The following CAMKK1 variants were observed in gnomAD, a reference collection of about 807,000 sequenced individuals.
CAMKK1 encodes calcium/calmodulin-dependent protein kinase kinase 1.
In CAMKK1, 20 loss-of-function variants were observed where a neutral mutation model predicts 63.5. That is an observed-to-expected ratio of 0.32 (90% CI 0.22 to 0.46). The LOEUF (loss-of-function observed/expected upper bound fraction) is 0.46, where lower values mean the gene tolerates loss of function less well. CAMKK1 is among the 20% of genes least tolerant of loss of function. The pLI, the probability that CAMKK1 is intolerant of heterozygous loss-of-function variation, is 1.00. For synonymous variants in CAMKK1, 253 were observed against 269.0 expected, an observed-to-expected ratio of 0.94 and a Z score of 0.58; for missense variants, 588 against 658.1, an observed-to-expected ratio of 0.89 and a Z score of 1.17.
At chr17:3,891,482 G>A (rs558131789) in intron 1 of CAMKK1, among the ~76,000 whole-genome samples, 2 of 152,358 alleles carry the variant, frequency 1.3e-5, no homozygotes, top group South Asian at 4.1e-4. Context: ...GCAGTAGGCA[G>A]TGTAGTTATC....
In CAMKK1 at chr17:3,883,205, G is replaced by T; in HGVS notation, c.515-30C>A. On this transcript the variant is annotated intron_variant, in intron 5 of 15. Coordinates refer to ENST00000348335, the MANE Select transcript of CAMKK1 (RefSeq NM_032294.3). This position sits in a 1 kb window ranked among gnomAD's most constrained non-coding sequence, Gnocchi z 4.7. Reference sequence around the variant, plus strand: ...GACCAGGAAGAGAACTCAAACACCTGTTCCAGGTGGCTGGGCCTCACCGTG... The same window carrying T: ...GACCAGGAAGAGAACTCAAACACCTTTTCCAGGTGGCTGGGCCTCACCGTG... 6.2e-7 allele frequency: 1 copy of T among 1,606,042 alleles called. No homozygotes were observed. Among genetic ancestry groups the T allele is most frequent in the South Asian group, 1.1e-5 (1 of 91,012 alleles).
At position 3,860,844 on chromosome 17, in the gene CAMKK1, T is replaced by G. The variant is rs1024899954; in HGVS notation, c.*1367A>C. 1 of 152,286 alleles carries G rather than the reference T, an allele frequency of 6.6e-6. No homozygotes were observed. The highest frequency in any genetic ancestry group is 6.5e-5 in the Admixed American group (1 of 15,274). 9.4% of individuals were successfully genotyped at this position (152,286 alleles called of 1,614,324 possible). On this transcript the variant is annotated 3_prime_UTR_variant, in exon 16 of 16. Transcript: ENST00000348335. ...CGCGGAGATGCAGCGGGATCCGGGT[T>G]TCTCCCCCAGCCAGCCTCCCTTCTC...
chr17:3,873,367 C>T lies in CAMKK1; in HGVS notation c.1050+42G>A, dbSNP rs773041054. ...CTGCATCCGTCGCCCGTGCCCGCCTCACTGGACCCGCCCCAGCTCTGCTGG... is the reference window on the plus strand; with the variant it reads ...CTGCATCCGTCGCCCGTGCCCGCCTTACTGGACCCGCCCCAGCTCTGCTGG... On this transcript the variant is annotated intron_variant, in intron 11 of 15. Transcript: ENST00000348335. The T allele has an allele frequency of 4.4e-6, 7 of 1,603,210 alleles. No homozygotes were observed. The South Asian group carries it at 7.7e-5, about 18-fold the overall frequency.
chr17:3,873,353 G>A (rs369656392), intron 11 of CAMKK1, 56 bp downstream of exon 11: 76 of 1,512,512 alleles, frequency 5.0e-5, no homozygotes, highest in Admixed American at 1.9e-4. Flanking sequence ...TGCATCCGTC[G>A]CCCGTGCCCG....
intron 11 of CAMKK1, 142 bp from the exon 12 acceptor site, chr17:3,872,769 G>T: frequency 1.5e-6 from 1 of 661,274 alleles, no homozygotes; most frequent in Non-Finnish European, 2.8e-6. Context: ...AACTCACACT[G>T]TAAATGTTCA....
At chr17:3,891,226 T>C (rs2055891216) in intron 1 of CAMKK1, among the ~76,000 whole-genome samples, 1 of 151,802 alleles carries the variant, frequency 6.6e-6, no homozygotes, top group South Asian at 2.1e-4. Flanking sequence ...TGTGGGGAGA[T>C]ACAGCAGTGA....
At chr17:3,871,041 CAA>C (rs754693210) in intron 12 of CAMKK1, among the ~76,000 whole-genome samples, 2 of 152,108 alleles carry the variant, frequency 1.3e-5, no homozygotes, top group African/African-American at 2.4e-5. Flanking sequence ...AAACTTCAGG[CAA>C]GAGATGCAGG....
At chr17:3,880,543 C>G (rs2055364327) in intron 8 of CAMKK1, 109 bp from the exon 9 acceptor site, 1 of 730,710 alleles carries the variant, frequency 1.4e-6, no homozygotes, top group African/African-American at 1.8e-5. Flanking sequence ...CCCTACAACT[C>G]AAGATATTAG....
chr17:3,875,487 A>G (rs1252731957), intron 10 of CAMKK1, among the ~76,000 whole-genome samples: 1 of 151,492 alleles, frequency 6.6e-6, no homozygotes, highest in African/African-American at 2.4e-5. Context: ...GGGTCTTGCT[A>G]TGTTGCCCAG....
chr17:3,872,760 A>G (rs984428822), intron 11 of CAMKK1, 133 bp from the exon 12 acceptor site: 4 of 683,108 alleles, frequency 5.9e-6, no homozygotes, highest in African/African-American at 1.8e-5. Flanking sequence ...AAGGACCTCA[A>G]CTCACACTGT....
intron 11 of CAMKK1, among the ~76,000 whole-genome samples, chr17:3,872,979 G>C (rs541337870): frequency 3.2e-4 from 49 of 152,330 alleles, no homozygotes; most frequent in African/African-American, 1.1e-3. Flanking sequence ...CCCTTAGTGT[G>C]GTCACCAGAG....
chr17:3,892,657 G>A lies in CAMKK1; in HGVS notation c.-44+282C>T, dbSNP rs1314928448. 6.6e-6 allele frequency among the ~76,000 whole-genome samples: 1 copy of A among 152,184 alleles called. No homozygotes were observed. The highest frequency in any genetic ancestry group is 1.5e-5 in the Non-Finnish European group (1 of 68,018). Reference sequence around the variant, plus strand: ...GCGCGGGGGACAGTGCACCGGGGATGGATGCGGTCCGCAGACAGAAGCGGG... The same window carrying A: ...GCGCGGGGGACAGTGCACCGGGGATAGATGCGGTCCGCAGACAGAAGCGGG... On this transcript the variant is annotated intron_variant, in intron 1 of 15. Transcript: ENST00000348335. This position sits in a 1 kb window ranked among gnomAD's most constrained non-coding sequence, Gnocchi z 7.5.
intron 12 of CAMKK1, among the ~76,000 whole-genome samples, chr17:3,871,499 C>T (rs1241521984): frequency 2.3e-4 from 33 of 142,964 alleles, no homozygotes; most frequent in Admixed American, 1.1e-3. Context: ...GGACTACAGG[C>T]ACCCGCCACC....
intron 15 of CAMKK1, among the ~76,000 whole-genome samples, chr17:3,863,711 A>T (rs1411347560): frequency 1.3e-5 from 2 of 150,240 alleles, no homozygotes; most frequent in Non-Finnish European, 3.0e-5. Context: ...CTCCATCTCT[A>T]TTTTTTTTTT....
chr17:3,878,980 AT>A (rs1385165138), intron 9 of CAMKK1: 1 of 152,022 alleles, frequency 6.6e-6, no homozygotes, highest in Non-Finnish European at 1.5e-5. Flanking sequence ...CACAAGGCTA[AT>A]TTTTGTATTT....
At chr17:3,872,271 T>C (rs1457349300) in intron 12 of CAMKK1, among the ~76,000 whole-genome samples, 1 of 152,190 alleles carries the variant, frequency 6.6e-6, no homozygotes, top group Non-Finnish European at 1.5e-5. Context: ...CTGGCGCCAC[T>C]GACCCCAGGC....
At chr17:3,864,926 G>A (rs2054459906) in intron 15 of CAMKK1, among the ~76,000 whole-genome samples, 2 of 152,304 alleles carry the variant, frequency 1.3e-5, no homozygotes, top group South Asian at 4.1e-4. Context: ...CAGGCCTGGT[G>A]ACAGCGTGAA....
Position 3,882,961 on chromosome 17 carries a change from G to T in CAMKK1, c.648+81C>A. Reference sequence around the variant, plus strand: ...CCACCTGGGCAAGATCCCTGGGTCTGTGCTAGGGGCTCCCCAGCACCAGAA... The same window carrying T: ...CCACCTGGGCAAGATCCCTGGGTCTTTGCTAGGGGCTCCCCAGCACCAGAA... On this transcript the variant is annotated intron_variant, in intron 6 of 15. Coordinates refer to ENST00000348335, the MANE Select transcript of CAMKK1 (RefSeq NM_032294.3). This position sits in a 1 kb window ranked among gnomAD's most constrained non-coding sequence, Gnocchi z 4.3. The T allele has an allele frequency of 6.4e-7, 1 of 1,564,552 alleles. No homozygotes were observed.
chr17:3,883,208 C>G lies in CAMKK1; in HGVS notation c.515-33G>C. ...CAGGAAGAGAACTCAAACACCTGTT[C>G]CAGGTGGCTGGGCCTCACCGTGGCC... On this transcript the variant is annotated intron_variant, in intron 5 of 15. Transcript: ENST00000348335. The surrounding 1 kb of genome is among the most constrained non-coding windows in gnomAD (Gnocchi z 4.7). 1 of 1,605,794 alleles carries G rather than the reference C, an allele frequency of 6.2e-7. No individual in the cohort carries two copies. Among genetic ancestry groups the G allele is most frequent in the Non-Finnish European group, 8.5e-7 (1 of 1,179,058 alleles).
Sources: gnomAD v4.1 joint callset for allele counts (sites outside exome capture counted in the v4.1 genomes callset) on GRCh38, gnomAD v4.1.1 for gene constraint, Gnocchi (gnomAD v3.1) non-coding constraint, MANE v1.5 for transcripts, NCBI Gene and HGNC (gene_info 2026-07-23, HGNC 2026-07-21) for gene names.